Variants in ACOX2 observed in about 807,000 individuals in gnomAD.
The protein encoded by ACOX2 is peroxisomal acyl-coenzyme A oxidase 2.
A neutral mutation model predicts 77.5 loss-of-function variants in ACOX2; 59 were observed. The observed-to-expected ratio is 0.76, with a 90% CI of 0.62 to 0.95. ACOX2 has a LOEUF of 0.95. Ranked by LOEUF, ACOX2 falls within the 40% of genes least tolerant of loss-of-function variation. The probability of loss-of-function intolerance (pLI) is 0.00; values close to 1 mark genes in which losing one functional copy is unlikely to be tolerated. For synonymous variants in ACOX2, 317 were observed against 340.1 expected (o/e 0.93, Z 0.75); for missense variants, 837 against 880.4 (o/e 0.95, Z 0.62).
In ACOX2 at chr3:58,531,242, A is replaced by C. The variant is rs1453908402; in HGVS notation, c.819+9T>G. 6.2e-7 allele frequency: 1 copy of C among 1,609,828 alleles called. No individual in the cohort carries two copies. Among genetic ancestry groups the C allele is most frequent in the South Asian group, 1.1e-5 (1 of 90,880 alleles). ...AAGTACAAGTCCCCGGCCTCCCCAG[A>C]TCTGTAACCTGTGCAAAGCGACTCA... On this transcript the variant is annotated intron_variant, in intron 7 of 14. Transcript: ENST00000302819. This position sits in a 1 kb window ranked among gnomAD's most constrained non-coding sequence, Gnocchi z 5.8.
Position 58,530,151 on chromosome 3 carries a change from C to T in ACOX2, c.992+315G>A, listed in dbSNP as rs865978695. On this transcript the variant is annotated intron_variant, in intron 8 of 14. Transcript: ENST00000302819. ...CAGCCGCACAGAACACGGCTGGACT[C>T]GGACAGACACAGAGTCAGACAGACC... is the stretch of plus-strand genomic sequence containing the variant. Among the ~76,000 whole-genome samples the T allele has an allele frequency of 3.3e-5, 5 of 152,350 alleles. No homozygotes were observed. The East Asian group carries it at 5.8e-4, about 18-fold the overall frequency.
intron 8 of ACOX2, among the ~76,000 whole-genome samples, chr3:58,529,515 T>C (rs909849159): frequency 6.6e-6 from 1 of 152,212 alleles, no homozygotes; most frequent in Admixed American, 6.5e-5. Context: ...TGAAAGAGGA[T>C]GTGATTACAA....
chr3:58,534,823 C>G lies in ACOX2; in HGVS notation c.160+124G>C. 6.7e-7 allele frequency: 1 copy of G among 1,482,306 alleles called. No homozygotes were observed. Among genetic ancestry groups the G allele is most frequent in the Non-Finnish European group, 9.3e-7 (1 of 1,076,644 alleles). The allele number at this position is 1,482,306 out of a possible 1,614,324, so 91.8% of individuals were successfully genotyped here. On this transcript the variant is annotated intron_variant, in intron 2 of 14. Transcript: ENST00000302819. This position sits in a 1 kb window ranked among gnomAD's most constrained non-coding sequence, Gnocchi z 4.8. ...GTCTTTACAGTTCGAAGGAATGAATCTCTAACAGTGGAATTTCAAGGGCAA... is the reference window on the plus strand; with the variant it reads ...GTCTTTACAGTTCGAAGGAATGAATGTCTAACAGTGGAATTTCAAGGGCAA...
At position 58,534,849 on chromosome 3, in the gene ACOX2, A is replaced by G; in HGVS notation, c.160+98T>C. 1 of 1,558,952 alleles carries G rather than the reference A, an allele frequency of 6.4e-7. No individual in the cohort carries two copies. The highest frequency in any genetic ancestry group is 8.8e-7 in the Non-Finnish European group (1 of 1,140,338). ...TCTAACAGTGGAATTTCAAGGGCAA[A>G]GTTTGTTATTTGGAAGCAGAACTGC... On this transcript the variant is annotated intron_variant, in intron 2 of 14. Coordinates refer to ENST00000302819, the MANE Select transcript of ACOX2 (RefSeq NM_003500.4). This position sits in a 1 kb window ranked among gnomAD's most constrained non-coding sequence, Gnocchi z 4.8.
In ACOX2 at chr3:58,521,694, CA is replaced by C. The variant is rs2063359510; in HGVS notation, c.1632+801del. On this transcript the variant is annotated intron_variant, in intron 12 of 14. Coordinates refer to ENST00000302819, the MANE Select transcript of ACOX2 (RefSeq NM_003500.4). This position sits in a 1 kb window ranked among gnomAD's most constrained non-coding sequence, Gnocchi z 4.8. ...CTCAGCAAAGGCATTGCAATGAAAA[CA>C]AAACCCCAACTTTTCACAGTGGTGC... Among the ~76,000 whole-genome samples the C allele has an allele frequency of 1.3e-5, 2 of 152,352 alleles. 1 individual carries two copies. Among genetic ancestry groups the C allele is most frequent in the South Asian group, 4.1e-4 (2 of 4,832 alleles).
chr3:58,530,366 C>A, intron 8 of ACOX2, 100 bp downstream of exon 8: 1 of 1,508,130 alleles, frequency 6.6e-7, no homozygotes. Context: ...ATTGCCTGCT[C>A]CCAGCACTCT....
chr3:58,510,048 C>A (rs1360490811), intron 13 of ACOX2, among the ~76,000 whole-genome samples: 1 of 151,974 alleles, frequency 6.6e-6, no homozygotes, highest in African/African-American at 2.4e-5. Flanking sequence ...TATTTATCAC[C>A]CCCTCTCTTC....
At chr3:58,520,937 T>C (rs903984456) in intron 12 of ACOX2, among the ~76,000 whole-genome samples, 1 of 152,214 alleles carries the variant, frequency 6.6e-6, no homozygotes, top group Admixed American at 6.5e-5. Context: ...TGAGTTCTCT[T>C]TCCTCACCCT....
chr3:58,532,293 T>C (rs554069142), intron 5 of ACOX2, among the ~76,000 whole-genome samples: 1 of 152,270 alleles, frequency 6.6e-6, no homozygotes, highest in South Asian at 2.1e-4. Context: ...GTTTCTTTTG[T>C]CTTCATTTTT....
chr3:58,536,083 GCTGTGT>G (rs1296981160), intron 1 of ACOX2, among the ~76,000 whole-genome samples: 3 of 151,960 alleles, frequency 2.0e-5, no homozygotes, highest in Non-Finnish European at 1.5e-5. Context: ...TGGAGTCCTT[GCTGTGT>G]CTACCCAACC....
At chr3:58,530,332 G>T in intron 8 of ACOX2, 134 bp downstream of exon 8, 2 of 1,263,708 alleles carry the variant, frequency 1.6e-6, no homozygotes, top group Non-Finnish European at 2.2e-6. Flanking sequence ...TTTTGTGTTT[G>T]TGTGTGTGTA....
chr3:58,516,585 C>T, intron 13 of ACOX2, among the ~76,000 whole-genome samples: 1 of 152,200 alleles, frequency 6.6e-6, no homozygotes, highest in Non-Finnish European at 1.5e-5. Context: ...CACCTGTAAT[C>T]CCAGCACTTT....
At chr3:58,532,362 T>C (rs1436963207) in intron 5 of ACOX2, among the ~76,000 whole-genome samples, 1 of 152,080 alleles carries the variant, frequency 6.6e-6, no homozygotes, top group Non-Finnish European at 1.5e-5. Flanking sequence ...TCTCTCTCTC[T>C]CTTTTTTTTT....
Position 58,535,501 on chromosome 3 carries a change from C to T in ACOX2, c.-91-304G>A, listed in dbSNP as rs2063475486. Among the ~76,000 whole-genome samples, 1 of 152,152 alleles carries T rather than the reference C, an allele frequency of 6.6e-6. No homozygotes were observed. ...ACAAAAAAGTCAGTGAAGCTTACAC[C>T]TGAAGAAAATAATCCTGGAGAGGTT... On this transcript the variant is annotated intron_variant, in intron 1 of 14. Transcript: ENST00000302819. This position sits in a 1 kb window ranked among gnomAD's most constrained non-coding sequence, Gnocchi z 4.8.
In ACOX2 at chr3:58,522,671, G is replaced by A; in HGVS notation, c.1527-70C>T. On this transcript the variant is annotated intron_variant, in intron 11 of 14. Transcript: ENST00000302819. This position sits in a 1 kb window ranked among gnomAD's most constrained non-coding sequence, Gnocchi z 4.3. ...AAAGACAACTGATGGGCTTCCTGTG[G>A]TCCCTCAGAAGTAGAAATAATGCCT... is the stretch of plus-strand genomic sequence containing the variant. 2 of 1,375,614 alleles carry A rather than the reference G, an allele frequency of 1.5e-6. No homozygotes were observed. The highest frequency in any genetic ancestry group is 2.1e-6 in the Non-Finnish European group (2 of 964,330). 85.2% of individuals were successfully genotyped at this position (1,375,614 alleles called of 1,614,324 possible).
intron 8 of ACOX2, 51 bp from the exon 9 acceptor site, chr3:58,529,007 T>TCC: frequency 6.6e-7 from 1 of 1,512,424 alleles, no homozygotes; most frequent in Middle Eastern, 1.8e-4. Flanking sequence ...TGTGTCCACC[T>TCC]TCCCCTATCC....
At position 58,519,385 on chromosome 3, in the gene ACOX2, GA is replaced by G. The variant is rs758404897; in HGVS notation, c.1633-1963del. ...GGTGGTGGAGTGAGACTCTATCATA[GA>G]AAAAAAAAGAGTGCCTTGGGGGTTC... On this transcript the variant is annotated intron_variant, in intron 12 of 14. Coordinates refer to ENST00000302819, the MANE Select transcript of ACOX2 (RefSeq NM_003500.4). This position sits in a 1 kb window ranked among gnomAD's most constrained non-coding sequence, Gnocchi z 5.0. Among the ~76,000 whole-genome samples the G allele has an allele frequency of 6.6e-6, 1 of 151,038 alleles. No individual in the cohort carries two copies. Among genetic ancestry groups the G allele is most frequent in the African/African-American group, 2.4e-5 (1 of 41,088 alleles).
At chr3:58,527,271 C>T (rs2063402378) in intron 9 of ACOX2, among the ~76,000 whole-genome samples, 1 of 151,980 alleles carries the variant, frequency 6.6e-6, no homozygotes, top group African/African-American at 2.4e-5. Flanking sequence ...GGTGTGGTGG[C>T]TCACACCTGC....
At chr3:58,513,055 G>C (rs1299118467) in intron 13 of ACOX2, among the ~76,000 whole-genome samples, 3 of 152,096 alleles carry the variant, frequency 2.0e-5, no homozygotes, top group Non-Finnish European at 4.4e-5. Context: ...TTCTCCTCAG[G>C]TCTTTCCTTA....
Sources: gnomAD v4.1 joint callset for allele counts (sites outside exome capture counted in the v4.1 genomes callset) on GRCh38, gnomAD v4.1.1 for gene constraint, Gnocchi (gnomAD v3.1) non-coding constraint, MANE v1.5 for transcripts, NCBI Gene and HGNC (gene_info 2026-07-23, HGNC 2026-07-21) for gene names.